The following PTPRD variants were observed in gnomAD, a reference collection of about 807,000 sequenced individuals.
PTPRD encodes protein tyrosine phosphatase receptor type D, also known as receptor-type tyrosine-protein phosphatase delta.
A neutral mutation model predicts 214.5 loss-of-function variants in PTPRD; 34 were observed. The observed-to-expected ratio is 0.16, with a 90% CI of 0.12 to 0.21. The LOEUF (loss-of-function observed/expected upper bound fraction) is 0.21, where lower values mean the gene tolerates loss of function less well. PTPRD is among the 10% of genes least tolerant of loss of function. PTPRD has a pLI of 1.00. For synonymous variants in PTPRD, 1,128 were observed against 845.7 expected, an observed-to-expected ratio of 1.33 and a Z score of -5.79; for missense variants, 2,545 against 2,398.7, an observed-to-expected ratio of 1.06 and a Z score of -1.27.
At chr9:8,429,824 G>C (rs1301132757) in intron 35 of PTPRD, among the ~76,000 whole-genome samples, 1 of 152,170 alleles carries the variant, frequency 6.6e-6, no homozygotes, top group Admixed American at 6.5e-5. Flanking sequence ...GCCTTCTTCA[G>C]GGAACACTTC....
At chr9:10,520,329 A>C (rs975503596) in intron 2 of PTPRD, among the ~76,000 whole-genome samples, 2 of 152,200 alleles carry the variant, frequency 1.3e-5, no homozygotes, top group African/African-American at 4.8e-5. Flanking sequence ...GCCCTAAACC[A>C]GAGCACAAAC....
At chr9:10,580,256 CA>C (rs1435344306) in intron 2 of PTPRD, among the ~76,000 whole-genome samples, 3 of 152,168 alleles carry the variant, frequency 2.0e-5, no homozygotes, top group Non-Finnish European at 4.4e-5. Flanking sequence ...AGCATTTCAG[CA>C]CATCTTAGCT....
chr9:9,542,313 A>C (rs671823), intron 8 of PTPRD, among the ~76,000 whole-genome samples: 54,489 of 151,414 alleles, frequency 0.36, 10,210 homozygotes, highest in African/African-American at 0.44. Flanking sequence ...TGTCTCACTT[A>C]ATGCCAAAAA....
At chr9:9,606,487 A>G (rs1209971017) in intron 7 of PTPRD, among the ~76,000 whole-genome samples, 1 of 151,970 alleles carries the variant, frequency 6.6e-6, no homozygotes, top group African/African-American at 2.4e-5. Context: ...CCATTATTAA[A>G]TTGTGTCACA....
At chr9:9,937,935 C>T (rs2090144952) in intron 5 of PTPRD, among the ~76,000 whole-genome samples, 2 of 152,240 alleles carry the variant, frequency 1.3e-5, no homozygotes, top group South Asian at 4.1e-4. Context: ...TCTGAAGGTA[C>T]AGACTCAGAG....
intron 11 of PTPRD, among the ~76,000 whole-genome samples, chr9:8,929,458 G>C (rs1052170828): frequency 6.6e-6 from 1 of 151,746 alleles, no homozygotes; most frequent in Non-Finnish European, 1.5e-5. Flanking sequence ...ATGTGGTTTT[G>C]GTCATTGGCT....
At chr9:10,441,681 C>G (rs1286699588) in intron 2 of PTPRD, among the ~76,000 whole-genome samples, 1 of 151,482 alleles carries the variant, frequency 6.6e-6, no homozygotes, top group Non-Finnish European at 1.5e-5. Context: ...TGGTCAGTGA[C>G]AATATTTTAA....
At chr9:9,998,323 A>G (rs2096218301) in intron 4 of PTPRD, among the ~76,000 whole-genome samples, 1 of 150,978 alleles carries the variant, frequency 6.6e-6, no homozygotes, top group Non-Finnish European at 1.5e-5. Context: ...TGGGTCCAGC[A>G]GCTCAAACTG....
intron 8 of PTPRD, among the ~76,000 whole-genome samples, chr9:9,546,714 T>C (rs534921771): frequency 4.3e-4 from 65 of 152,010 alleles, no homozygotes; most frequent in African/African-American, 1.5e-3. Flanking sequence ...TATTGAATGT[T>C]TATAATATGT....
At chr9:10,551,440 G>C (rs1164683444) in intron 2 of PTPRD, among the ~76,000 whole-genome samples, 1 of 152,098 alleles carries the variant, frequency 6.6e-6, no homozygotes, top group Non-Finnish European at 1.5e-5. Flanking sequence ...TATATATGTT[G>C]AAATCGTGAC....
intron 32 of PTPRD, among the ~76,000 whole-genome samples, chr9:8,462,998 A>G (rs2096455925): frequency 6.6e-6 from 1 of 151,938 alleles, no homozygotes; most frequent in African/African-American, 2.4e-5. Context: ...AAAAATGTTC[A>G]TCTTTTCAAA....
At chr9:8,852,781 T>TC (rs941286971) in intron 11 of PTPRD, among the ~76,000 whole-genome samples, 4 of 152,162 alleles carry the variant, frequency 2.6e-5, no homozygotes, top group African/African-American at 7.2e-5. Context: ...CTCTCTTTTT[T>TC]CCCCCTTTTG....
chr9:8,818,200 T>A (rs923063260), intron 11 of PTPRD, among the ~76,000 whole-genome samples: 1 of 152,102 alleles, frequency 6.6e-6, no homozygotes, highest in African/African-American at 2.4e-5. Context: ...ATCACTTTAA[T>A]TGACTTTAAA....
intron 8 of PTPRD, among the ~76,000 whole-genome samples, chr9:9,463,410 G>C (rs112288343): frequency 0.017 from 2,611 of 152,172 alleles, 60 homozygotes; most frequent in African/African-American, 0.058. Context: ...GGGAGATTTG[G>C]AGAGAGCTCC....
At chr9:9,676,303 T>G (rs902446148) in intron 7 of PTPRD, among the ~76,000 whole-genome samples, 3 of 108,856 alleles carry the variant, frequency 2.8e-5, no homozygotes, top group Non-Finnish European at 5.2e-5. Context: ...CAGGCCCCAG[T>G]GTGTGATGTT....
chr9:9,946,659 G>C (rs557436319), intron 4 of PTPRD, among the ~76,000 whole-genome samples: 2 of 152,114 alleles, frequency 1.3e-5, no homozygotes, highest in African/African-American at 4.8e-5. Flanking sequence ...ATCGACACTG[G>C]CTTCTGGGAG....
intron 5 of PTPRD, among the ~76,000 whole-genome samples, chr9:9,892,931 A>G (rs1229387821): frequency 6.6e-6 from 1 of 152,078 alleles, no homozygotes; most frequent in Non-Finnish European, 1.5e-5. Context: ...GGAGAGATTC[A>G]TTATGGCGTA....
intron 11 of PTPRD, among the ~76,000 whole-genome samples, chr9:8,891,430 T>C (rs1225566349): frequency 6.8e-6 from 1 of 147,570 alleles, no homozygotes; most frequent in African/African-American, 2.6e-5. Context: ...CCGTGCCTGG[T>C]CAATCTAATT....
At chr9:9,948,379 A>G (rs1252867293) in intron 4 of PTPRD, among the ~76,000 whole-genome samples, 2 of 152,052 alleles carry the variant, frequency 1.3e-5, no homozygotes, top group Non-Finnish European at 2.9e-5. Flanking sequence ...TCTTCTCCCA[A>G]AATTTGGCCT....
Sources: allele counts gnomAD v4.1 joint callset (sites outside exome capture counted in the v4.1 genomes callset), GRCh38; gene constraint gnomAD v4.1.1; transcripts MANE v1.5; gene names NCBI Gene and HGNC (gene_info 2026-07-23, HGNC 2026-07-21).